Variants in MAML3 observed in about 807,000 individuals in gnomAD.
MAML3 encodes mastermind like transcriptional coactivator 3.
In MAML3, 27 loss-of-function variants were observed where a neutral mutation model predicts 101.9. That is an observed-to-expected ratio of 0.27 (90% CI 0.20 to 0.37). MAML3 has a LOEUF of 0.37. MAML3 is among the 10% of genes least tolerant of loss of function. The pLI is 1.00. For missense variants in MAML3, 1,316 were observed against 1,444.9 expected, an observed-to-expected ratio of 0.91 and a Z score of 1.45; for synonymous variants, 501 against 555.9, an observed-to-expected ratio of 0.90 and a Z score of 1.39.
chr4:139,777,045 G>A (rs1283940948), intron 2 of MAML3, among the ~76,000 whole-genome samples: 1 of 152,162 alleles, frequency 6.6e-6, no homozygotes, highest in Admixed American at 6.5e-5. Context: ...GGGTTTTGGA[G>A]GGACACTCAT....
intron 2 of MAML3, among the ~76,000 whole-genome samples, chr4:139,825,679 T>G (rs1007364040): frequency 4.6e-5 from 7 of 151,958 alleles, no homozygotes; most frequent in Non-Finnish European, 7.4e-5. Context: ...GAGAGGCAAT[T>G]TGCAGCGCGA....
intron 1 of MAML3, among the ~76,000 whole-genome samples, chr4:140,091,138 C>T (rs1486529808): frequency 6.6e-6 from 1 of 152,140 alleles, no homozygotes; most frequent in East Asian, 1.9e-4. Flanking sequence ...GAAAAGCCAG[C>T]ATCTCCATCT....
chr4:139,885,402 T>C (rs1732307624), intron 2 of MAML3, among the ~76,000 whole-genome samples: 1 of 151,802 alleles, frequency 6.6e-6, no homozygotes, highest in Non-Finnish European at 1.5e-5. Context: ...TGAGACTCTT[T>C]CTCAAAAAAA....
Position 139,889,689 on chromosome 4 carries a change from T to C in MAML3, c.1747A>G (p.Asn583Asp). Residue 583 changes from asparagine to aspartate, a missense_variant, in exon 2 of 5, where the codon AAT becomes GAT. Asn to Asp is a conservative substitution (Grantham distance 23, BLOSUM62 1). Transcript: ENST00000509479. ...NHMNMINQQP[N>D]NLGTNSLNKQ... ...TTTAAGGAGTTTGTACCCAAGTTAT[T>C]TGGCTGCTGATTGATCATATTCATG... 2 of 1,614,026 alleles carry C rather than the reference T, an allele frequency of 1.2e-6. No individual in the cohort carries two copies. Among genetic ancestry groups the C allele is most frequent in the East Asian group, 2.2e-5 (1 of 44,888 alleles).
intron 2 of MAML3, among the ~76,000 whole-genome samples, chr4:139,857,117 G>A (rs1406195518): frequency 6.6e-6 from 1 of 152,212 alleles, no homozygotes; most frequent in African/African-American, 2.4e-5. Context: ...ACACCAACAA[G>A]AAAGAGGAGT....
In MAML3 at chr4:139,943,864, C is replaced by CTTTTTTTTTTTTTTTTTTTTTTTTT. The variant is rs10644498; in HGVS notation, c.469-52898_469-52897insAAAAAAAAAAAAAAAAAAAAAAAAA. Among the ~76,000 whole-genome samples the CTTTTTTTTTTTTTTTTTTTTTTTTT allele has an allele frequency of 1.6e-3, 105 of 65,862 alleles. 18 individuals are homozygous for CTTTTTTTTTTTTTTTTTTTTTTTTT. Among genetic ancestry groups the CTTTTTTTTTTTTTTTTTTTTTTTTT allele is most frequent in the East Asian group, 2.6e-3 (5 of 1,908 alleles). 43.2% of individuals were successfully genotyped at this position (65,862 alleles called of 152,430 possible). A position where few individuals can be genotyped will look rare whatever the true frequency, so the allele number is the denominator to read the frequency against. On this transcript the variant is annotated intron_variant, in intron 1 of 4. Transcript: ENST00000509479. ...GGTTGGGTTGTGGGCCTAAAGACAACTTTTTTTTTTTTTTTTTTTTTTTTG... is the reference window on the plus strand; with the variant it reads ...GGTTGGGTTGTGGGCCTAAAGACAACTTTTTTTTTTTTTTTTTTTTTTTTTTTTTTTTTTTTTTTTTTTTTTTTTG...
intron 1 of MAML3, among the ~76,000 whole-genome samples, chr4:140,098,227 G>C (rs529413427): frequency 6.6e-6 from 1 of 152,272 alleles, no homozygotes; most frequent in African/African-American, 2.4e-5. Context: ...AATATTCGCA[G>C]TATGCTCAAA....
At chr4:140,064,565 C>T (rs901833404) in intron 1 of MAML3, among the ~76,000 whole-genome samples, 2 of 152,134 alleles carry the variant, frequency 1.3e-5, no homozygotes, top group African/African-American at 4.8e-5. Flanking sequence ...GCTGATTCCT[C>T]GATGAAAGGT....
At chr4:140,113,597 C>T (rs552010458) in intron 1 of MAML3, among the ~76,000 whole-genome samples, 1 of 152,266 alleles carries the variant, frequency 6.6e-6, no homozygotes, top group South Asian at 2.1e-4. Flanking sequence ...TACTCGGTGG[C>T]CTTCAAACTC....
At chr4:139,953,950 G>C (rs1214310749) in intron 1 of MAML3, among the ~76,000 whole-genome samples, 4 of 152,136 alleles carry the variant, frequency 2.6e-5, no homozygotes. Flanking sequence ...CCTAAATGTA[G>C]GTACCACAAG....
intron 2 of MAML3, among the ~76,000 whole-genome samples, chr4:139,765,279 A>G (rs929604107): frequency 2.0e-5 from 3 of 152,226 alleles, no homozygotes; most frequent in African/African-American, 7.2e-5. Context: ...TAAAACTGGA[A>G]GGGAATATTA....
At chr4:140,049,512 G>A (rs1198707524) in intron 1 of MAML3, among the ~76,000 whole-genome samples, 2 of 152,182 alleles carry the variant, frequency 1.3e-5, no homozygotes, top group African/African-American at 2.4e-5. Flanking sequence ...AGAGGAGGGG[G>A]GAAGAGAGAG....
chr4:139,866,017 C>T (rs1731892713), intron 2 of MAML3, among the ~76,000 whole-genome samples: 1 of 152,190 alleles, frequency 6.6e-6, no homozygotes, highest in African/African-American at 2.4e-5. Flanking sequence ...GGAGGTATGG[C>T]CAGGAATGTC....
At chr4:140,135,394 C>A (rs1167297276) in intron 1 of MAML3, among the ~76,000 whole-genome samples, 1 of 152,260 alleles carries the variant, frequency 6.6e-6, no homozygotes, top group Non-Finnish European at 1.5e-5. Context: ...GTACTGAGCA[C>A]CAATGAATTA....
At position 139,719,635 on chromosome 4, in the gene MAML3, C is replaced by A. The variant is rs759158839; in HGVS notation, c.3105G>T (p.Pro1035=). The part of the protein sequence containing the change: ...AMGRQMMPSL[P]GQQGTSQARP... ...TCGCCTGGCTGGTGCCTTGCTGCCC[C>A]GGGAGCGATGGCATCATCTGCCGAC... The change falls in exon 5 of 5, where the codon CCG becomes CCT. Residue 1035 remains proline (P), a synonymous_variant. Transcript: ENST00000509479. The A allele has an allele frequency of 6.2e-7, 1 of 1,612,134 alleles. No individual in the cohort carries two copies. Among genetic ancestry groups the A allele is most frequent in the South Asian group, 1.1e-5 (1 of 90,770 alleles).
chr4:140,013,854 G>A (rs1235215928), intron 1 of MAML3, among the ~76,000 whole-genome samples: 1 of 152,172 alleles, frequency 6.6e-6, no homozygotes, highest in Admixed American at 6.5e-5. Context: ...GTCCCCAATA[G>A]AGAACCTTTC....
In MAML3 at chr4:139,997,041, G is replaced by T. The variant is rs557447471; in HGVS notation, c.469-106074C>A. 4.0e-5 allele frequency among the ~76,000 whole-genome samples: 6 copies of T among 151,240 alleles called. No individual in the cohort carries two copies. The East Asian group carries it at 1.2e-3, about 29-fold the overall frequency. On this transcript the variant is annotated intron_variant, in intron 1 of 4. Transcript: ENST00000509479. Reference sequence around the variant, plus strand: ...CACTGCACTCCAGTCTGGTGACAGAGCAAGACTCCGTCTCAAGAAATAATA... The same window carrying T: ...CACTGCACTCCAGTCTGGTGACAGATCAAGACTCCGTCTCAAGAAATAATA...
intron 1 of MAML3, among the ~76,000 whole-genome samples, chr4:140,030,479 G>A (rs1017962048): frequency 1.3e-5 from 2 of 152,108 alleles, no homozygotes; most frequent in African/African-American, 2.4e-5. Flanking sequence ...TAAGGGCCAG[G>A]CTCCAAACAG....
chr4:139,890,603 G>A lies in MAML3; in HGVS notation c.833C>T (p.Pro278Leu). The A allele has an allele frequency of 6.2e-7, 1 of 1,613,998 alleles. No individual in the cohort carries two copies. The highest frequency in any genetic ancestry group is 8.5e-7 in the Non-Finnish European group (1 of 1,179,878). Residue 278 changes from proline (P) to leucine (L), a missense_variant, in exon 2 of 5, where the codon CCT becomes CTT. Physicochemically the swap from Pro to Leu is moderately conservative, Grantham distance 98 (BLOSUM62 -3). Coordinates refer to ENST00000509479, the MANE Select transcript of MAML3 (RefSeq NM_018717.5). The surrounding 1 kb of genome is among the most constrained non-coding windows in gnomAD (Gnocchi z 4.1). ...ILQSKDLKQE[P>L]LDDPTCIDTS... Reference sequence around the variant, plus strand: ...GTCTATGCAAGTAGGGTCATCGAGAGGTTCTTGTTTGAGGTCTTTGCTCTG... The same window carrying A: ...GTCTATGCAAGTAGGGTCATCGAGAAGTTCTTGTTTGAGGTCTTTGCTCTG...
Sources: allele counts gnomAD v4.1 joint callset (sites outside exome capture counted in the v4.1 genomes callset), GRCh38; gene constraint gnomAD v4.1.1; non-coding constraint Gnocchi (gnomAD v3.1); transcripts MANE v1.5; gene names NCBI Gene and HGNC (gene_info 2026-07-23, HGNC 2026-07-21).